ROBO2: variants seen among roughly 807,000 people sequenced by gnomAD.
The protein encoded by ROBO2 is roundabout guidance receptor 2.
A neutral mutation model predicts 160.8 loss-of-function variants in ROBO2; 53 were observed. The ratio of observed to expected loss-of-function variants is 0.33; its 90% CI spans 0.26 to 0.41. The LOEUF is 0.41. ROBO2 is among the 10% of genes least tolerant of loss of function. ROBO2 has a pLI of 1.00. For missense variants in ROBO2, 1,577 were observed against 1,722.4 expected, an observed-to-expected ratio of 0.92 and a Z score of 1.49; for synonymous variants, 664 against 611.7, an observed-to-expected ratio of 1.09 and a Z score of -1.26.
upstream of ROBO2, among the ~76,000 whole-genome samples, chr3:77,039,420 G>A (rs1033629178): frequency 1.3e-5 from 2 of 152,166 alleles, no homozygotes; most frequent in African/African-American, 2.4e-5. Flanking sequence ...TCCGGCAGAC[G>A]GAGGGATGAA....
intron 2 of ROBO2, among the ~76,000 whole-genome samples, chr3:76,827,903 A>G (rs1476276990): frequency 6.6e-6 from 1 of 152,202 alleles, no homozygotes; most frequent in Non-Finnish European, 1.5e-5. Context: ...TAACCACTGA[A>G]GCAGAAAGGA....
chr3:76,676,434 A>G (rs1050622914), intron 2 of ROBO2, among the ~76,000 whole-genome samples: 4 of 151,988 alleles, frequency 2.6e-5, no homozygotes, highest in African/African-American at 9.7e-5. Context: ...TTCCTTTATA[A>G]CTGCCTCTTC....
At chr3:76,896,727 G>A (rs543267786) in intron 2 of ROBO2, among the ~76,000 whole-genome samples, 1 of 152,036 alleles carries the variant, frequency 6.6e-6, no homozygotes, top group African/African-American at 2.4e-5. Context: ...TGGTGACTGG[G>A]AGTTTATCAT....
intron 2 of ROBO2, among the ~76,000 whole-genome samples, chr3:77,404,119 T>A (rs2076062955): frequency 6.6e-6 from 1 of 152,202 alleles, no homozygotes; most frequent in African/African-American, 2.4e-5. Context: ...ACAGTCTCTA[T>A]ATATAATAAC....
chr3:76,988,666 A>G (rs535034116), intron 2 of ROBO2, among the ~76,000 whole-genome samples: 265 of 152,162 alleles, frequency 1.7e-3, no homozygotes, highest in Non-Finnish European at 3.2e-3. Flanking sequence ...GACTTTTAAT[A>G]CCACTGTTAT....
intron 2 of ROBO2, among the ~76,000 whole-genome samples, chr3:77,318,260 C>T (rs1444870717): frequency 6.6e-6 from 1 of 152,074 alleles, no homozygotes; most frequent in East Asian, 1.9e-4. Flanking sequence ...TCTTGAACTG[C>T]TGACCTCGGG....
chr3:77,414,008 G>A (rs2077011195), intron 2 of ROBO2, among the ~76,000 whole-genome samples: 1 of 151,944 alleles, frequency 6.6e-6, no homozygotes, highest in South Asian at 2.1e-4. Flanking sequence ...GTCTGTGGAG[G>A]CATAAGAGAT....
intron 2 of ROBO2, among the ~76,000 whole-genome samples, chr3:76,393,887 G>A (rs1288373267): frequency 1.3e-5 from 2 of 152,178 alleles, no homozygotes; most frequent in Non-Finnish European, 2.9e-5. Flanking sequence ...GTGTGAAATT[G>A]TAAGTATATG....
intron 2 of ROBO2, among the ~76,000 whole-genome samples, chr3:77,192,003 G>A (rs191517588): frequency 1.4e-4 from 22 of 152,248 alleles, no homozygotes; most frequent in African/African-American, 5.3e-4. Flanking sequence ...TCTGTTTGGG[G>A]AAGCAATTGT....
At chr3:77,292,978 A>T (rs1481387968) in intron 2 of ROBO2, among the ~76,000 whole-genome samples, 3 of 151,640 alleles carry the variant, frequency 2.0e-5, no homozygotes, top group African/African-American at 7.3e-5. Flanking sequence ...AAAGACATTA[A>T]GTAAAATTGA....
intron 2 of ROBO2, among the ~76,000 whole-genome samples, chr3:77,375,963 G>A (rs1475010961): frequency 6.6e-6 from 1 of 150,820 alleles, no homozygotes; most frequent in Non-Finnish European, 1.5e-5. Flanking sequence ...TTCAGACCAA[G>A]AGATCCCTTT....
At chr3:76,104,555 TA>T (rs2069839572) in intron 2 of ROBO2, among the ~76,000 whole-genome samples, 1 of 152,196 alleles carries the variant, frequency 6.6e-6, no homozygotes, top group Non-Finnish European at 1.5e-5. Context: ...TTCATAGCCA[TA>T]AAATGATGGA....
At chr3:76,684,681 G>C (rs960570257) in intron 2 of ROBO2, among the ~76,000 whole-genome samples, 1 of 151,684 alleles carries the variant, frequency 6.6e-6, no homozygotes, top group Non-Finnish European at 1.5e-5. Flanking sequence ...TACATATTTT[G>C]TTATACTACT....
chr3:77,191,389 C>G (rs1480356149), intron 2 of ROBO2, among the ~76,000 whole-genome samples: 1 of 151,944 alleles, frequency 6.6e-6, no homozygotes, highest in East Asian at 1.9e-4. Flanking sequence ...GGTGATAGGC[C>G]TAAATAGTCA....
At chr3:77,476,784 A>G (rs1582285743) in intron 2 of ROBO2, among the ~76,000 whole-genome samples, 1 of 152,276 alleles carries the variant, frequency 6.6e-6, no homozygotes, top group Non-Finnish European at 1.5e-5. Context: ...GCTATAAGGG[A>G]TATCTCTGCC....
At chr3:77,337,298 T>C (rs1326034167) in intron 2 of ROBO2, among the ~76,000 whole-genome samples, 1 of 152,194 alleles carries the variant, frequency 6.6e-6, no homozygotes, top group African/African-American at 2.4e-5. Context: ...AATTTCTTTC[T>C]TCTTTGGAAA....
chr3:76,037,525 G>A (rs1378680781), intron 2 of ROBO2, among the ~76,000 whole-genome samples: 1 of 151,854 alleles, frequency 6.6e-6, no homozygotes, highest in Non-Finnish European at 1.5e-5. Context: ...AAAGTGCTGG[G>A]ATTCGCATGT....
intron 6 of ROBO2, among the ~76,000 whole-genome samples, chr3:77,544,528 C>T (rs1209332754): frequency 3.3e-5 from 5 of 152,016 alleles, no homozygotes; most frequent in Non-Finnish European, 7.4e-5. Context: ...AAAAATAAGT[C>T]AATACAAATC....
At chr3:76,043,527 C>T (rs2067344247) in intron 2 of ROBO2, among the ~76,000 whole-genome samples, 1 of 142,494 alleles carries the variant, frequency 7.0e-6, no homozygotes. Flanking sequence ...CTGGAGAAGA[C>T]CTAACATTGA....
Sources: gnomAD v4.1 joint callset for allele counts (sites outside exome capture counted in the v4.1 genomes callset) on GRCh38, gnomAD v4.1.1 for gene constraint, MANE v1.5 for transcripts, NCBI Gene and HGNC (gene_info 2026-07-23, HGNC 2026-07-21) for gene names.